The following ATR variants were observed in gnomAD, a reference collection of about 807,000 sequenced individuals.
ATR encodes serine/threonine-protein kinase ATR.
In ATR, 142 loss-of-function variants were observed where a neutral mutation model predicts 305.3. That is an observed-to-expected ratio of 0.47 (90% CI 0.41 to 0.53). The LOEUF (loss-of-function observed/expected upper bound fraction) is 0.53, where lower values mean the gene tolerates loss of function less well. ATR is among the 20% of genes least tolerant of loss of function. The probability of loss-of-function intolerance (pLI) is 0.00; values close to 1 mark genes in which losing one functional copy is unlikely to be tolerated. For missense variants in ATR, 2,135 were observed against 3,133.1 expected (o/e 0.68, Z 7.60); for synonymous variants, 1,050 against 1,068.1 (o/e 0.98, Z 0.33).
chr3:142,558,552 A>AG lies in ATR; in HGVS notation c.1885+71_1885+72insC, dbSNP rs1263147707. On this transcript the variant is annotated intron_variant, in intron 8 of 46. Transcript: ENST00000350721. ...TAAATAAATAAATAAATAAATAAAT[A>AG]AATAAATAGATAGATAGATAGATAG... is the stretch of plus-strand genomic sequence containing the variant. 473 of 1,122,580 alleles carry AG rather than the reference A, an allele frequency of 4.2e-4. 2 individuals carry two copies. Among genetic ancestry groups the AG allele is most frequent in the Admixed American group, 1.1e-3 (37 of 33,908 alleles). 69.5% of individuals were successfully genotyped at this position (1,122,580 alleles called of 1,614,324 possible). A position where few individuals can be genotyped will look rare whatever the true frequency, so the allele number is the denominator to read the frequency against.
intron 36 of ATR, among the ~76,000 whole-genome samples, chr3:142,475,945 G>GT (rs1297352780): frequency 6.7e-6 from 1 of 149,432 alleles, no homozygotes; most frequent in African/African-American, 2.6e-5. Context: ...TGATGGGGTT[G>GT]TTTTTTTCTT....
intron 46 of ATR, chr3:142,451,487 A>G: frequency 6.8e-7 from 1 of 1,476,838 alleles, no homozygotes; most frequent in Non-Finnish European, 9.1e-7. Context: ...ACATCTTACA[A>G]AAGAACACAG....
chr3:142,457,773 T>G lies in ATR; in HGVS notation c.7504-18A>C, dbSNP rs768528765. ...GTTTCTCCCTTAGAAACAATACATTTTATTACAAACTAACAATGTTAGAAT... is the reference window on the plus strand; with the variant it reads ...GTTTCTCCCTTAGAAACAATACATTGTATTACAAACTAACAATGTTAGAAT... On this transcript the variant is annotated intron_variant, in intron 44 of 46. Coordinates refer to ENST00000350721, the MANE Select transcript of ATR (RefSeq NM_001184.4). 4 of 1,612,236 alleles carry G rather than the reference T, an allele frequency of 2.5e-6. No homozygotes were observed. In the African/African-American group the frequency reaches 5.3e-5, roughly 22 times the overall value.
intron 35 of ATR, among the ~76,000 whole-genome samples, chr3:142,488,648 C>T (rs763548305): frequency 7.9e-5 from 12 of 152,104 alleles, no homozygotes; most frequent in Admixed American, 2.6e-4. Flanking sequence ...AGTGGAAACA[C>T]GGTAAAGGGT....
At chr3:142,576,744 TTAG>T (rs1303180035) in intron 1 of ATR, among the ~76,000 whole-genome samples, 1 of 152,144 alleles carries the variant, frequency 6.6e-6, no homozygotes, top group African/African-American at 2.4e-5. Context: ...GAGAAACATA[TTAG>T]TAGTCATCAA....
At chr3:142,514,008 G>T (rs921276328) in intron 25 of ATR, among the ~76,000 whole-genome samples, 1 of 151,808 alleles carries the variant, frequency 6.6e-6, no homozygotes, top group Non-Finnish European at 1.5e-5. Flanking sequence ...GGTGGCTCAC[G>T]CCTGTAATCC....
rs560823522 is a variant in ATR, at chr3:142,539,816, G to A, written c.3581+1088C>T. On this transcript the variant is annotated intron_variant, in intron 18 of 46. Coordinates refer to ENST00000350721, the MANE Select transcript of ATR (RefSeq NM_001184.4). ...AGAATCCCACCTAGTAAATACAGAA[G>A]GAATAATAAAATTAGAAAATCATTA... Among the ~76,000 whole-genome samples, 6 of 151,974 alleles carry A rather than the reference G, an allele frequency of 3.9e-5. No homozygotes were observed. In the East Asian group the frequency reaches 9.7e-4, roughly 24 times the overall value.
chr3:142,522,598 T>C, intron 23 of ATR, 130 bp downstream of exon 23: 1 of 824,366 alleles, frequency 1.2e-6, no homozygotes, highest in African/African-American at 1.7e-5. Context: ...CTAAAATGTT[T>C]ATCATGAACT....
At chr3:142,483,789 T>C (rs913491215) in intron 36 of ATR, among the ~76,000 whole-genome samples, 3 of 151,064 alleles carry the variant, frequency 2.0e-5, no homozygotes, top group Non-Finnish European at 4.4e-5. Context: ...GCTGAGATCG[T>C]GCCATTGCAC....
chr3:142,513,538 T>C lies in ATR; in HGVS notation c.4604A>G (p.Tyr1535Cys), dbSNP rs2032699364. The C allele has an allele frequency of 1.9e-6, 3 of 1,613,342 alleles. No individual in the cohort carries two copies. Among genetic ancestry groups the C allele is most frequent in the Non-Finnish European group, 8.5e-7 (1 of 1,179,448 alleles). Residue 1535 changes from tyrosine to cysteine, a missense_variant, in exon 26 of 47, where the codon TAT becomes TGT. This residue lies in a region of ATR where 202 missense variants were observed against 252.9 expected (regional missense o/e 0.80). Coordinates refer to ENST00000350721, the MANE Select transcript of ATR (RefSeq NM_001184.4). ...TIYLLPHILV[Y>C]VLLGCNQEDQ... The stretch of plus-strand genomic sequence containing the variant: ...TTCTTGATTACAACCCAGTAAGACA[T>C]ACACCAGAATATGTGGAAGAAGATA...
chr3:142,513,302 A>G (rs2032672467), intron 26 of ATR, among the ~76,000 whole-genome samples, 199 bp downstream of exon 26: 1 of 152,256 alleles, frequency 6.6e-6, no homozygotes, highest in Admixed American at 6.5e-5. Context: ...GACTGGCAAC[A>G]AATTGGTAGC....
chr3:142,482,693 GGGCATGGT>G (rs2030595403), intron 36 of ATR, among the ~76,000 whole-genome samples: 1 of 151,976 alleles, frequency 6.6e-6, no homozygotes, highest in African/African-American at 2.4e-5. Context: ...AAACATAGTT[GGGCATGGT>G]GGCATGTGCC....
At position 142,562,937 on chromosome 3, in the gene ATR, G is replaced by C; in HGVS notation, c.465C>G (p.Asp155Glu). 6.2e-7 allele frequency: 1 copy of C among 1,613,070 alleles called. No individual in the cohort carries two copies. Among genetic ancestry groups the C allele is most frequent in the Admixed American group, 1.7e-5 (1 of 59,820 alleles). ...LTKELLQLFE[D>E]LVYLHRRNVM... ...CATTTCTTCTATGGAGGTAAACCAA[G>C]TCTTCAAAAAGTTGTAATAATTCTT... The change falls in exon 4 of 47, where the codon GAC becomes GAG. Residue 155 changes from aspartate (D) to glutamate (E), a missense_variant. This residue lies in a region of ATR where 744 missense variants were observed against 873.2 expected (regional missense o/e 0.85). Coordinates refer to ENST00000350721, the MANE Select transcript of ATR (RefSeq NM_001184.4).
At chr3:142,526,006 C>T (rs1267094175) in intron 21 of ATR, among the ~76,000 whole-genome samples, 1 of 152,134 alleles carries the variant, frequency 6.6e-6, no homozygotes, top group East Asian at 1.9e-4. Context: ...GTGATGGTTT[C>T]CATTTAGTTA....
At chr3:142,533,886 T>C (rs1290800728) in intron 21 of ATR, among the ~76,000 whole-genome samples, 1 of 152,184 alleles carries the variant, frequency 6.6e-6, no homozygotes, top group Non-Finnish European at 1.5e-5. Flanking sequence ...ACATATGATT[T>C]ATCTTCTGTG....
intron 30 of ATR, among the ~76,000 whole-genome samples, chr3:142,502,446 T>C (rs747380648): frequency 1.6e-5 from 2 of 125,400 alleles, no homozygotes; most frequent in South Asian, 2.4e-4. Context: ...ATGGGAACAA[T>C]AGACACTGCA....
At chr3:142,449,772 A>G in intron 46 of ATR, 170 bp from the exon 47 acceptor site, 1 of 726,386 alleles carries the variant, frequency 1.4e-6, no homozygotes, top group Non-Finnish European at 2.3e-6. Context: ...TTAGCTTGTG[A>G]TACTGATTTG....
rs1274208190 is a variant in ATR at position 142,509,321 on chromosome 3, G to A, written c.4853-1212C>T. ...TGGGACCATAGGCATGTGCCACCAC[G>A]CCTGGCCAAGTTTTGTATTTTTTGT... On this transcript the variant is annotated intron_variant, in intron 27 of 46. Coordinates refer to ENST00000350721, the MANE Select transcript of ATR (RefSeq NM_001184.4). Among the ~76,000 whole-genome samples, 6 of 151,834 alleles carry A rather than the reference G, an allele frequency of 4.0e-5. No homozygotes were observed. The East Asian group carries it at 5.8e-4, about 15-fold the overall frequency.
chr3:142,461,025 C>A (rs1204956569), intron 42 of ATR, among the ~76,000 whole-genome samples: 5 of 152,140 alleles, frequency 3.3e-5, no homozygotes, highest in Non-Finnish European at 7.4e-5. Flanking sequence ...TCCAGGATTA[C>A]ACATTACATT....
Sources: gnomAD v4.1 joint callset for allele counts (sites outside exome capture counted in the v4.1 genomes callset) on GRCh38, gnomAD v4.1.1 for gene constraint, gnomAD v4.1.1 regional missense constraint, MANE v1.5 for transcripts, NCBI Gene and HGNC (gene_info 2026-07-23, HGNC 2026-07-21) for gene names.